The following LRP1B variants were observed in gnomAD, a reference collection of about 807,000 sequenced individuals.
LRP1B encodes low-density lipoprotein receptor-related protein 1B.
In LRP1B, 217 loss-of-function variants were observed where a neutral mutation model predicts 556.6. That is an observed-to-expected ratio of 0.39 (90% CI 0.35 to 0.44). The LOEUF is 0.44. LRP1B is among the 20% of genes least tolerant of loss of function. LRP1B has a pLI of 1.00. For missense variants in LRP1B, 5,053 were observed against 5,620.8 expected (o/e 0.90, Z 3.23); for synonymous variants, 2,047 against 1,865.8 (o/e 1.10, Z -2.50).
At chr2:141,475,628 C>T (rs1461814465) in intron 3 of LRP1B, among the ~76,000 whole-genome samples, 1 of 152,022 alleles carries the variant, frequency 6.6e-6, no homozygotes, top group Non-Finnish European at 1.5e-5. Context: ...CTATCCTGTA[C>T]CCATATAAAC....
chr2:140,716,341 A>G (rs1490499710), intron 36 of LRP1B, among the ~76,000 whole-genome samples: 1 of 152,102 alleles, frequency 6.6e-6, no homozygotes, highest in African/African-American at 2.4e-5. Flanking sequence ...ACATGGTAAA[A>G]CGAAGTTGAA....
At chr2:141,876,218 C>A (rs1412797197) in intron 1 of LRP1B, among the ~76,000 whole-genome samples, 1 of 151,828 alleles carries the variant, frequency 6.6e-6, no homozygotes, top group African/African-American at 2.4e-5. Context: ...AGTTTGAGCT[C>A]CAAATGGAAA....
intron 11 of LRP1B, among the ~76,000 whole-genome samples, chr2:141,036,454 C>T (rs1043083502): frequency 6.6e-6 from 1 of 151,968 alleles, no homozygotes; most frequent in Non-Finnish European, 1.5e-5. Context: ...AAGGAAAACT[C>T]CTAAACCACT....
At chr2:141,834,348 C>A (rs1558906905) in intron 1 of LRP1B, among the ~76,000 whole-genome samples, 3 of 151,790 alleles carry the variant, frequency 2.0e-5, no homozygotes, top group Non-Finnish European at 4.4e-5. Context: ...AATACCTTCT[C>A]AGCCATATAA....
intron 41 of LRP1B, among the ~76,000 whole-genome samples, chr2:140,677,495 T>C (rs966875403): frequency 6.6e-6 from 1 of 152,016 alleles, no homozygotes; most frequent in Non-Finnish European, 1.5e-5. Context: ...TTCAACAGCA[T>C]AGGAATAAGG....
intron 35 of LRP1B, among the ~76,000 whole-genome samples, chr2:140,760,967 A>C (rs1688901115): frequency 6.6e-6 from 1 of 152,194 alleles, no homozygotes; most frequent in African/African-American, 2.4e-5. Context: ...ATATTTGTGG[A>C]ATCTTTCCTT....
At chr2:141,233,278 T>G (rs1200010560) in intron 5 of LRP1B, among the ~76,000 whole-genome samples, 2 of 152,164 alleles carry the variant, frequency 1.3e-5, no homozygotes, top group East Asian at 3.8e-4. Context: ...GAACCAAGAC[T>G]TTGGTTGGGT....
intron 66 of LRP1B, among the ~76,000 whole-genome samples, chr2:140,428,603 C>T (rs982130388): frequency 6.6e-6 from 1 of 152,164 alleles, no homozygotes; most frequent in Non-Finnish European, 1.5e-5. Flanking sequence ...GGCTTAGTGG[C>T]TGAAGACTGA....
intron 1 of LRP1B, among the ~76,000 whole-genome samples, chr2:142,086,636 C>CAAA (rs1320332486): frequency 0.17 from 8,274 of 47,876 alleles, 340 homozygotes; most frequent in Non-Finnish European, 0.29. Context: ...AACAAACAAA[C>CAAA]AAACAAAAAA....
chr2:140,786,178 A>G (rs10191182), intron 32 of LRP1B, among the ~76,000 whole-genome samples: 64,702 of 152,052 alleles, frequency 0.43, 13,977 homozygotes, highest in African/African-American at 0.48. Context: ...TTCCATCTCC[A>G]GATCTGTGAC....
rs397770023 is a variant in LRP1B, at chr2:142,040,624, GT to G, written c.82+90023del. 2.0e-3 allele frequency among the ~76,000 whole-genome samples: 289 copies of G among 143,776 alleles called. 2 individuals carry two copies. The highest frequency in any genetic ancestry group is 5.8e-3 in the African/African-American group (228 of 39,448). 94.3% of individuals were successfully genotyped at this position (143,776 alleles called of 152,430 possible). ...AATGCATGCTAAAAACAGTACTGAG[GT>G]TTTTTTTTTTTTTAATAGCTAGTTC... On this transcript the variant is annotated intron_variant, in intron 1 of 90. Transcript: ENST00000389484.
In LRP1B at chr2:140,923,111, A is replaced by G. The variant is rs1694788685; in HGVS notation, c.3173T>C (p.Phe1058Ser). Residue 1058 changes from phenylalanine (F) to serine (S), a missense_variant, in exon 21 of 91, where the codon TTT becomes TCT. Phe to Ser is a radical substitution (Grantham distance 155). This residue lies in a region of LRP1B where 3,619 missense variants were observed against 3,931.9 expected (regional missense o/e 0.92). Coordinates refer to ENST00000389484, the MANE Select transcript of LRP1B (RefSeq NM_018557.3). Reference sequence around the variant, plus strand: ...GCAATTACCATCAGGGTGGCACTGAAATTCATTTCCGTTACAACCAGCAGG... The same window carrying G: ...GCAATTACCATCAGGGTGGCACTGAGATTCATTTCCGTTACAACCAGCAGG... ...HSPAGCNGNE[F>S]QCHPDGNCVP... is the part of the protein sequence containing the mutation. 1 of 1,612,016 alleles carries G rather than the reference A, an allele frequency of 6.2e-7. No individual in the cohort carries two copies. Among genetic ancestry groups the G allele is most frequent in the Non-Finnish European group, 8.5e-7 (1 of 1,178,862 alleles).
At chr2:140,965,103 G>T (rs536317119) in intron 18 of LRP1B, among the ~76,000 whole-genome samples, 4 of 152,284 alleles carry the variant, frequency 2.6e-5, no homozygotes, top group Admixed American at 1.3e-4. Context: ...AATTACCCAT[G>T]CCTGAGCCTC....
rs150293824 is a variant in LRP1B at position 140,902,776 on chromosome 2, G to A, written c.3766+144C>T. On this transcript the variant is annotated intron_variant, in intron 23 of 90. Coordinates refer to ENST00000389484, the MANE Select transcript of LRP1B (RefSeq NM_018557.3). ...ATATTTTCTCTCTAGAAATTTTATA[G>A]TAGGTCTAAAATAACACATTATAGT... The A allele has an allele frequency of 7.5e-4, 573 of 760,690 alleles. 1 individual carries two copies. In the African/African-American group the frequency reaches 9.2e-3, roughly 12 times the overall value. The allele number at this position is 760,690 out of a possible 1,614,324, so 47.1% of individuals were successfully genotyped here. A position where few individuals can be genotyped will look rare whatever the true frequency, so the allele number is the denominator to read the frequency against.
chr2:141,111,236 C>T (rs1263962074), intron 7 of LRP1B, among the ~76,000 whole-genome samples: 5 of 151,780 alleles, frequency 3.3e-5, no homozygotes, highest in East Asian at 1.9e-4. Context: ...ACAAACATGA[C>T]AGAGTTTATA....
Position 140,322,012 on chromosome 2 carries a change from T to C in LRP1B, c.12591A>G (p.Pro4197=). 1 of 1,613,180 alleles carries C rather than the reference T, an allele frequency of 6.2e-7. No homozygotes were observed. Among genetic ancestry groups the C allele is most frequent in the Non-Finnish European group, 8.5e-7 (1 of 1,179,478 alleles). The change falls in exon 82 of 91, where the codon CCA becomes CCG. Residue 4197 remains proline, a synonymous_variant. Coordinates refer to ENST00000389484, the MANE Select transcript of LRP1B (RefSeq NM_018557.3). ...TGCCATTAATCAAATATTTTCCTTC[T>C]GGACACACACAAGTGGCCCCAGAAG... ...LNPSGATCVC[P]EGKYLINGTC...
At chr2:141,453,347 C>T (rs148934213) in intron 3 of LRP1B, among the ~76,000 whole-genome samples, 22 of 152,270 alleles carry the variant, frequency 1.4e-4, no homozygotes, top group African/African-American at 4.8e-4. Flanking sequence ...ATTCCATTCA[C>T]CTTGAATGCT....
chr2:140,803,636 T>C (rs1357572755), intron 32 of LRP1B, among the ~76,000 whole-genome samples: 1 of 151,876 alleles, frequency 6.6e-6, no homozygotes, highest in Non-Finnish European at 1.5e-5. Context: ...GCAAAACCTC[T>C]CACAGTAACC....
intron 1 of LRP1B, among the ~76,000 whole-genome samples, chr2:142,042,600 T>C (rs1034570235): frequency 2.6e-5 from 4 of 151,642 alleles, no homozygotes; most frequent in Admixed American, 2.6e-4. Flanking sequence ...GGGACAATGT[T>C]TCTTCAGCAA....
Sources: allele counts gnomAD v4.1 joint callset (sites outside exome capture counted in the v4.1 genomes callset), GRCh38; gene constraint gnomAD v4.1.1; regional missense constraint gnomAD v4.1.1; transcripts MANE v1.5; gene names NCBI Gene and HGNC (gene_info 2026-07-23, HGNC 2026-07-21).